CATSPERG: variants seen among roughly 807,000 people sequenced by gnomAD.
The protein encoded by CATSPERG is catsper channel auxiliary subunit gamma, also known as cation channel sperm-associated auxiliary subunit gamma.
Under a neutral mutation model 145.0 loss-of-function variants are expected in CATSPERG, and 115 were observed. That is an observed-to-expected ratio of 0.79 (90% CI 0.68 to 0.93). The LOEUF is 0.93. Among genes scored for constraint, CATSPERG ranks in the 40% least tolerant of loss-of-function variants. The probability of loss-of-function intolerance (pLI) is 0.00; values close to 1 mark genes in which losing one functional copy is unlikely to be tolerated. For synonymous variants in CATSPERG, 588 were observed against 589.0 expected (o/e 1.00, Z 0.02); for missense variants, 1,296 against 1,490.1 (o/e 0.87, Z 2.14).
rs1600491939 is a variant in CATSPERG at position 38,370,863 on chromosome 19, T to C, written c.*71T>C. The C allele has an allele frequency of 6.6e-7, 1 of 1,508,746 alleles. No homozygotes were observed. Among genetic ancestry groups the C allele is most frequent in the African/African-American group, 1.4e-5 (1 of 72,888 alleles). The allele number at this position is 1,508,746 out of a possible 1,614,324, so 93.5% of individuals were successfully genotyped here. On this transcript the variant is annotated 3_prime_UTR_variant, in exon 29 of 29. Coordinates refer to ENST00000409235, the MANE Select transcript of CATSPERG (RefSeq NM_021185.5). ...TGAGGCCCATCTTGAAGATGCAACC[T>C]GTCACCCAGCCCAGGCCTCTCTTTC...
intron 6 of CATSPERG, among the ~76,000 whole-genome samples, chr19:38,345,375 G>C (rs1422690492): frequency 2.6e-5 from 4 of 151,928 alleles, no homozygotes; most frequent in Non-Finnish European, 5.9e-5. Flanking sequence ...TGTATTTTTA[G>C]TAGAGGCAGG....
At chr19:38,365,155 G>C (rs1047909697) in intron 22 of CATSPERG, 38 bp downstream of exon 22, 10 of 1,588,440 alleles carry the variant, frequency 6.3e-6, no homozygotes, top group African/African-American at 1.3e-5. Flanking sequence ...GGGAGGGGAA[G>C]GTTGGGGTCG....
intron 3 of CATSPERG, among the ~76,000 whole-genome samples, chr19:38,338,349 C>T (rs180960111): frequency 1.6e-4 from 24 of 152,104 alleles, no homozygotes; most frequent in African/African-American, 4.6e-4. Context: ...GGGGTTTCAC[C>T]GGGTTAGCCA....
intron 7 of CATSPERG, 68 bp downstream of exon 7, chr19:38,346,673 A>C: frequency 7.0e-7 from 1 of 1,430,046 alleles, no homozygotes; most frequent in Non-Finnish European, 9.5e-7. Context: ...CCCTGAAATA[A>C]GGTAGGGGCC....
At chr19:38,349,807 G>A (rs941071431) in intron 7 of CATSPERG, among the ~76,000 whole-genome samples, 2 of 152,020 alleles carry the variant, frequency 1.3e-5, no homozygotes, top group African/African-American at 4.8e-5. Flanking sequence ...TGGGATTACA[G>A]CCACCCACCA....
chr19:38,369,868 C>A, intron 26 of CATSPERG, 104 bp from the exon 27 acceptor site: 1 of 989,026 alleles, frequency 1.0e-6, no homozygotes, highest in Non-Finnish European at 1.6e-6. Context: ...CATGAGATTG[C>A]ACCCATTTGG....
At chr19:38,356,432 C>T in intron 9 of CATSPERG, 52 bp from the exon 10 acceptor site, 2 of 1,581,080 alleles carry the variant, frequency 1.3e-6, no homozygotes, top group Non-Finnish European at 1.7e-6. Flanking sequence ...GCTTGATGGG[C>T]TGCCAGACAG....
chr19:38,367,673 C>G lies in CATSPERG; in HGVS notation c.2835-8C>G. The G allele has an allele frequency of 6.2e-7, 1 of 1,613,954 alleles. No individual in the cohort carries two copies. Among genetic ancestry groups the G allele is most frequent in the Non-Finnish European group, 8.5e-7 (1 of 1,179,896 alleles). ...AGGCCAGTCTGTGTGCACTTCTGTCCCTGGTAGCTATGTTCTGCTGGTGGT... is the reference window on the plus strand; with the variant it reads ...AGGCCAGTCTGTGTGCACTTCTGTCGCTGGTAGCTATGTTCTGCTGGTGGT... On this transcript the variant is annotated splice_polypyrimidine_tract_variant and splice_region_variant and intron_variant, in intron 24 of 28. Coordinates refer to ENST00000409235, the MANE Select transcript of CATSPERG (RefSeq NM_021185.5).
chr19:38,363,846 A>T (rs1470052409), intron 20 of CATSPERG, among the ~76,000 whole-genome samples: 2 of 152,212 alleles, frequency 1.3e-5, no homozygotes, highest in Non-Finnish European at 2.9e-5. Flanking sequence ...CAAAATGAAA[A>T]GTCTCCCATG....
At chr19:38,337,564 T>A in intron 2 of CATSPERG, 29 bp from the exon 3 acceptor site, 1 of 1,551,858 alleles carries the variant, frequency 6.4e-7, no homozygotes, top group South Asian at 1.2e-5. Context: ...CACTCATTTC[T>A]GGACGTGTGG....
chr19:38,366,186 G>C (rs1970445913), intron 22 of CATSPERG: 1 of 152,306 alleles, frequency 6.6e-6, no homozygotes, highest in Admixed American at 6.5e-5. Context: ...CTGAGGCTCA[G>C]AGAGGTGCAG....
intron 14 of CATSPERG, 135 bp from the exon 15 acceptor site, chr19:38,360,354 C>T (rs1195183106): frequency 1.4e-6 from 2 of 1,465,666 alleles, no homozygotes; most frequent in Non-Finnish European, 1.8e-6. Context: ...AAGGGGAGCG[C>T]CCTTGGTCCC....
chr19:38,362,818 T>TCGGTG lies in CATSPERG; in HGVS notation c.2463_2467dup (p.Leu823ArgfsTer29). On this transcript the variant is annotated frameshift_variant, in exon 20 of 29. Coordinates refer to ENST00000409235, the MANE Select transcript of CATSPERG (RefSeq NM_021185.5). LOFTEE classifies it high-confidence loss of function. Reference sequence around the variant, plus strand: ...GCAGGAGGTCCTGATTAATCGCAACTCGGTGCTATTTTCGGTGAGGCCCCC... The same window carrying TCGGTG: ...GCAGGAGGTCCTGATTAATCGCAACTCGGTGCGGTGCTATTTTCGGTGAGGCCCCC... The TCGGTG allele has an allele frequency of 6.2e-7, 1 of 1,607,266 alleles. No homozygotes were observed. The highest frequency in any genetic ancestry group is 8.5e-7 in the Non-Finnish European group (1 of 1,175,896).
chr19:38,351,229 T>C (rs906974370), intron 7 of CATSPERG, among the ~76,000 whole-genome samples: 6 of 152,172 alleles, frequency 3.9e-5, no homozygotes, highest in Admixed American at 3.9e-4. Flanking sequence ...CCAATGAGGC[T>C]GAGGCGGGAG....
chr19:38,360,056 T>G (rs898635054), intron 14 of CATSPERG: 19 of 983,308 alleles, frequency 1.9e-5, no homozygotes, highest in Non-Finnish European at 2.2e-5. Context: ...GGAAGGGGAG[T>G]GAAGGTTCCC....
chr19:38,368,012 C>A, intron 25 of CATSPERG, 36 bp from the exon 26 acceptor site: 2 of 1,602,540 alleles, frequency 1.2e-6, no homozygotes, highest in Non-Finnish European at 1.7e-6. Context: ...TACACCGCCC[C>A]CCAACCCCTG....
At chr19:38,356,676 A>G in intron 10 of CATSPERG, 66 bp from the exon 11 acceptor site, 1 of 1,602,864 alleles carries the variant, frequency 6.2e-7, no homozygotes, top group Non-Finnish European at 8.5e-7. Context: ...GGGGAGGGGT[A>G]CAGCTGGCAC....
intron 5 of CATSPERG, 40 bp downstream of exon 5, chr19:38,344,159 G>A: frequency 1.3e-6 from 2 of 1,550,852 alleles, no homozygotes; most frequent in Non-Finnish European, 1.7e-6. Context: ...GGACTCCGGG[G>A]GAATTCCTCA....
At position 38,362,579 on chromosome 19, in the gene CATSPERG, G is replaced by A; in HGVS notation, c.2356+5G>A. The A allele has an allele frequency of 1.2e-6, 2 of 1,613,810 alleles. No homozygotes were observed. Among genetic ancestry groups the A allele is most frequent in the Non-Finnish European group, 1.7e-6 (2 of 1,179,976 alleles). Reference sequence around the variant, plus strand: ...TCCGGACGCAGTCAGAACTCGGTCTGCGCGGGACCAGAGTGGAGCCCGAAG... The same window carrying A: ...TCCGGACGCAGTCAGAACTCGGTCTACGCGGGACCAGAGTGGAGCCCGAAG... On this transcript the variant is annotated splice_donor_5th_base_variant and intron_variant, in intron 19 of 28. Transcript: ENST00000409235.
Sources: gnomAD v4.1 joint callset for allele counts (sites outside exome capture counted in the v4.1 genomes callset) on GRCh38, gnomAD v4.1.1 for gene constraint, MANE v1.5 for transcripts, NCBI Gene and HGNC (gene_info 2026-07-23, HGNC 2026-07-21) for gene names.